The following NDUFA8 variants were observed in gnomAD, a reference collection of about 807,000 sequenced individuals.
NDUFA8 encodes NADH dehydrogenase [ubiquinone] 1 alpha subcomplex subunit 8.
In NDUFA8, 16 loss-of-function variants were observed where a neutral mutation model predicts 20.9. The observed-to-expected ratio is 0.77, with a 90% CI of 0.52 to 1.16. The LOEUF (loss-of-function observed/expected upper bound fraction) is 1.16. Among genes scored for constraint, NDUFA8 ranks in the 50% most tolerant of loss-of-function variants. The pLI, the probability that NDUFA8 is intolerant of heterozygous loss-of-function variation, is 0.00. For synonymous variants in NDUFA8, 70 were observed against 76.1 expected (o/e 0.92, Z 0.41); for missense variants, 202 against 216.4 (o/e 0.93, Z 0.42).
chr9:122,152,554 A>ATT, intron 1 of NDUFA8, 146 bp from the exon 2 acceptor site: 2 of 544,772 alleles, frequency 3.7e-6, no homozygotes, highest in Non-Finnish European at 2.8e-6. Context: ...TCATAATAAT[A>ATT]ATTTTTTTTT....
the NDUFA8 span, among the ~76,000 whole-genome samples, chr9:122,133,910 C>G: frequency 6.6e-6 from 1 of 152,214 alleles, no homozygotes; most frequent in South Asian, 2.1e-4. Context: ...CCTACCCCAT[C>G]CCTCCCCACC....
In NDUFA8 at chr9:122,152,411, AG is replaced by A; in HGVS notation, c.52-4del. The A allele has an allele frequency of 6.2e-7, 1 of 1,614,070 alleles. No individual in the cohort carries two copies. The highest frequency in any genetic ancestry group is 1.1e-5 in the South Asian group (1 of 91,066). The stretch of plus-strand genomic sequence containing the variant: ...AGCACAGCAGAACTAATTTTCACCT[AG>A]GAAAGGAAAGATGGGACAAAGGCCA... On this transcript the variant is annotated splice_region_variant and splice_polypyrimidine_tract_variant and intron_variant, in intron 1 of 3. Coordinates refer to ENST00000373768, the MANE Select transcript of NDUFA8 (RefSeq NM_014222.3).
intron 2 of NDUFA8, among the ~76,000 whole-genome samples, 181 bp downstream of exon 2, chr9:122,152,064 G>T (rs1829007547): frequency 6.6e-6 from 1 of 152,156 alleles, no homozygotes; most frequent in Admixed American, 6.6e-5. Flanking sequence ...GGAGATAAAA[G>T]AACTTGCCAG....
Position 122,159,532 on chromosome 9 carries a change from G to T in NDUFA8, c.51+95C>A. The T allele has an allele frequency of 6.7e-6, 10 of 1,487,804 alleles. No homozygotes were observed. The South Asian group carries it at 1.0e-4, about 15-fold the overall frequency. The allele number at this position is 1,487,804 out of a possible 1,614,324, so 92.2% of individuals were successfully genotyped here. A position where few individuals can be genotyped will look rare whatever the true frequency, so the allele number is the denominator to read the frequency against. On this transcript the variant is annotated intron_variant, in intron 1 of 3. Transcript: ENST00000373768. The stretch of plus-strand genomic sequence containing the variant: ...GTTGGAGGACTGGGGAGGGGGGCCC[G>T]GGTCCCAGGATCCGCGGAGCCCAAG...
chr9:122,154,389 T>C (rs775814905), intron 1 of NDUFA8, among the ~76,000 whole-genome samples: 32 of 152,262 alleles, frequency 2.1e-4, no homozygotes, highest in Non-Finnish European at 7.3e-5. Flanking sequence ...TCTTGTCCTT[T>C]GGTTAAAACT....
intron 1 of NDUFA8, 104 bp downstream of exon 1, chr9:122,159,522 AG>A (rs1438471060): frequency 1.9e-5 from 26 of 1,393,962 alleles, no homozygotes; most frequent in Non-Finnish European, 2.3e-5. Context: ...AGGACTGGGG[AG>A]GGGGGCCCGG....
the NDUFA8 span, among the ~76,000 whole-genome samples, chr9:122,137,097 A>G: frequency 2.5e-4 from 38 of 152,298 alleles, no homozygotes; most frequent in African/African-American, 8.9e-4. Flanking sequence ...ATTTGGCCCA[A>G]TCAAAAGGCA....
Position 122,159,641 on chromosome 9 carries a change from G to C in NDUFA8, c.37C>G (p.Leu13Val), listed in dbSNP as rs770418693. ...GATAGCCTCACCTCATCTACTTTCA[G>C]CTCCTCTAGAGTGGGCAGCTCCACT... ...GIVELPTLEE[L>V]KVDEVKISSA... is the part of the protein sequence containing the mutation. The change falls in exon 1 of 4, where the codon CTG becomes GTG. Residue 13 changes from leucine to valine, a missense_variant. By Grantham distance (32) the Leu-to-Val change is conservative. Transcript: ENST00000373768. 4.6e-5 allele frequency: 75 copies of C among 1,614,030 alleles called. No homozygotes were observed. The highest frequency in any genetic ancestry group is 5.9e-5 in the Non-Finnish European group (70 of 1,180,008).
chr9:122,137,600 C>T, the NDUFA8 span, among the ~76,000 whole-genome samples: 1 of 152,178 alleles, frequency 6.6e-6, no homozygotes, highest in African/African-American at 2.4e-5. Context: ...CATATCTTGT[C>T]CTTCAAATGT....
chr9:122,147,289 G>A (rs1249485985), intron 3 of NDUFA8, among the ~76,000 whole-genome samples: 1 of 152,096 alleles, frequency 6.6e-6, no homozygotes, highest in Admixed American at 6.5e-5. Flanking sequence ...AGTGATGACT[G>A]CATGGAATCA....
intron 3 of NDUFA8, 71 bp from the exon 4 acceptor site, chr9:122,144,449 C>T: frequency 7.3e-7 from 1 of 1,362,354 alleles, no homozygotes; most frequent in Non-Finnish European, 1.1e-6. Context: ...ATCAATGCGC[C>T]TCCTGGTGTC....
intron 1 of NDUFA8, among the ~76,000 whole-genome samples, chr9:122,155,944 T>G (rs532651601): frequency 2.3e-4 from 35 of 152,310 alleles, no homozygotes; most frequent in African/African-American, 7.7e-4. Flanking sequence ...AGGAAGACAT[T>G]GAGTCTGTTT....
downstream of NDUFA8, among the ~76,000 whole-genome samples, chr9:122,142,002 G>C (rs1206577099): frequency 2.0e-5 from 3 of 152,140 alleles, no homozygotes; most frequent in Admixed American, 6.5e-5. Flanking sequence ...GCGTTGCTCT[G>C]GTTCTAAAGA....
chr9:122,144,218 G>A lies in NDUFA8; in HGVS notation c.*23C>T, dbSNP rs779629853. ...TCAGTCGTTGTCTGAGCACATGACC[G>A]AGTGTGGGCCACGGACCCATCTTTA... On this transcript the variant is annotated 3_prime_UTR_variant, in exon 4 of 4. Coordinates refer to ENST00000373768, the MANE Select transcript of NDUFA8 (RefSeq NM_014222.3). 2.5e-5 allele frequency: 41 copies of A among 1,613,002 alleles called. No homozygotes were observed. Among genetic ancestry groups the A allele is most frequent in the Non-Finnish European group, 3.1e-5 (36 of 1,179,976 alleles).
chr9:122,145,646 G>A (rs1285230909), intron 3 of NDUFA8, among the ~76,000 whole-genome samples: 2 of 152,210 alleles, frequency 1.3e-5, no homozygotes, highest in Admixed American at 1.3e-4. Context: ...ATTATCTCTA[G>A]TGCACAGATG....
chr9:122,135,762 T>C, the NDUFA8 span, among the ~76,000 whole-genome samples: 2 of 152,136 alleles, frequency 1.3e-5, no homozygotes, highest in African/African-American at 2.4e-5. Context: ...GCTAATTTTT[T>C]CATTTCTGGA....
chr9:122,136,111 A>C, the NDUFA8 span, among the ~76,000 whole-genome samples: 1 of 152,112 alleles, frequency 6.6e-6, no homozygotes, highest in African/African-American at 2.4e-5. Context: ...GCTCTATTGC[A>C]ACTTATTTAC....
the NDUFA8 span, among the ~76,000 whole-genome samples, chr9:122,133,182 T>A: frequency 3.3e-5 from 5 of 152,168 alleles, no homozygotes; most frequent in Non-Finnish European, 5.9e-5. Flanking sequence ...TGAACCCAGG[T>A]CCCTCCGATC....
chr9:122,150,350 G>C (rs770724324), intron 2 of NDUFA8, among the ~76,000 whole-genome samples: 15 of 138,772 alleles, frequency 1.1e-4, no homozygotes, highest in Non-Finnish European at 1.5e-4. Context: ...GGCGGAGCTT[G>C]CAGTAAGCCA....
Sources: allele counts gnomAD v4.1 joint callset (sites outside exome capture counted in the v4.1 genomes callset), GRCh38; gene constraint gnomAD v4.1.1; transcripts MANE v1.5; gene names NCBI Gene and HGNC (gene_info 2026-07-23, HGNC 2026-07-21).